MTUS2: variants seen among roughly 807,000 people sequenced by gnomAD.
The protein encoded by MTUS2 is microtubule associated scaffold protein 2, also known as microtubule-associated tumor suppressor candidate 2.
Under a neutral mutation model 114.1 loss-of-function variants are expected in MTUS2, and 40 were observed. That is an observed-to-expected ratio of 0.35 (90% CI 0.27 to 0.46). MTUS2 has a LOEUF of 0.46. MTUS2 is among the 20% of genes least tolerant of loss of function. The pLI is 1.00. For missense variants in MTUS2, 1,679 were observed against 1,705.4 expected, an observed-to-expected ratio of 0.98 and a Z score of 0.27; for synonymous variants, 688 against 672.0, an observed-to-expected ratio of 1.02 and a Z score of -0.37.
intron 5 of MTUS2, among the ~76,000 whole-genome samples, chr13:29,117,742 A>T (rs1267617771): frequency 2.6e-5 from 4 of 152,172 alleles, no homozygotes; most frequent in African/African-American, 9.7e-5. Flanking sequence ...GACACATCAG[A>T]CAGCTGCAGC....
At chr13:28,845,817 T>C (rs1875840109) in intron 2 of MTUS2, among the ~76,000 whole-genome samples, 2 of 151,980 alleles carry the variant, frequency 1.3e-5, no homozygotes, top group Non-Finnish European at 2.9e-5. Flanking sequence ...ACTTTACTTA[T>C]GTTACAGTTT....
chr13:29,208,360 G>T (rs541564841), intron 5 of MTUS2, among the ~76,000 whole-genome samples: 1 of 151,824 alleles, frequency 6.6e-6, no homozygotes, highest in East Asian at 1.9e-4. Flanking sequence ...TATCAATTTT[G>T]TTTATCTTTT....
At chr13:29,446,882 G>GC (rs151077392) in intron 9 of MTUS2, among the ~76,000 whole-genome samples, 17,109 of 152,090 alleles carry the variant, frequency 0.11, 1,511 homozygotes, top group African/African-American at 0.25. Context: ...TTAGGACGGA[G>GC]CTTTTATGGT....
chr13:29,138,354 G>A (rs1295389106), intron 5 of MTUS2, among the ~76,000 whole-genome samples: 23 of 151,564 alleles, frequency 1.5e-4, no homozygotes, highest in Non-Finnish European at 4.4e-5. Context: ...TGGGTGGGGA[G>A]GCAGATTTCC....
At chr13:28,921,004 C>A (rs1266880775) in intron 2 of MTUS2, among the ~76,000 whole-genome samples, 2 of 152,250 alleles carry the variant, frequency 1.3e-5, no homozygotes, top group Non-Finnish European at 2.9e-5. Flanking sequence ...GGGCCTAGGC[C>A]TGCACTCAGG....
At chr13:29,001,583 C>A (rs891121748) in intron 2 of MTUS2, among the ~76,000 whole-genome samples, 30 of 152,128 alleles carry the variant, frequency 2.0e-4, no homozygotes, top group Non-Finnish European at 4.1e-4. Context: ...GAAATATCAG[C>A]AGTTTAGCTT....
At chr13:28,898,465 C>A (rs759031297) in intron 2 of MTUS2, among the ~76,000 whole-genome samples, 1 of 152,194 alleles carries the variant, frequency 6.6e-6, no homozygotes, top group Non-Finnish European at 1.5e-5. Flanking sequence ...TTTGTCTTTC[C>A]ATCCTGAACA....
At chr13:29,445,763 C>A (rs995191476) in intron 9 of MTUS2, among the ~76,000 whole-genome samples, 3 of 151,954 alleles carry the variant, frequency 2.0e-5, no homozygotes, top group Admixed American at 6.6e-5. Context: ...AAAAAATTAG[C>A]CAGGTATGGT....
chr13:28,916,939 C>T (rs1269633491), intron 2 of MTUS2, among the ~76,000 whole-genome samples: 1 of 151,578 alleles, frequency 6.6e-6, no homozygotes, highest in Non-Finnish European at 1.5e-5. Flanking sequence ...GAGGTATGCT[C>T]TTTTTATCCT....
chr13:29,210,488 G>A (rs1231849563), intron 5 of MTUS2, among the ~76,000 whole-genome samples: 1 of 152,038 alleles, frequency 6.6e-6, no homozygotes, highest in Non-Finnish European at 1.5e-5. Context: ...TCTTTTGGGA[G>A]TGTTAAAAAA....
intron 2 of MTUS2, among the ~76,000 whole-genome samples, chr13:28,875,082 G>A (rs1408240114): frequency 1.3e-5 from 2 of 152,172 alleles, no homozygotes; most frequent in Non-Finnish European, 1.5e-5. Context: ...GTACATAATG[G>A]ATGTTCAGTA....
intron 8 of MTUS2, among the ~76,000 whole-genome samples, chr13:29,407,490 A>AT (rs1874860624): frequency 1.0e-5 from 1 of 96,564 alleles, no homozygotes; most frequent in Non-Finnish European, 2.5e-5. Context: ...TTATTTATTT[A>AT]TTTTGAGATG....
intron 5 of MTUS2, among the ~76,000 whole-genome samples, chr13:29,177,537 C>T (rs1410916051): frequency 6.9e-6 from 1 of 144,964 alleles, no homozygotes; most frequent in Non-Finnish European, 1.5e-5. Flanking sequence ...CCTTTTTCAC[C>T]AGGCCTGGAA....
intron 5 of MTUS2, among the ~76,000 whole-genome samples, chr13:29,238,324 T>C (rs1258910440): frequency 6.6e-6 from 1 of 152,216 alleles, no homozygotes; most frequent in Non-Finnish European, 1.5e-5. Flanking sequence ...GGGAGTTTAC[T>C]AAAGAGTATT....
chr13:28,822,706 A>G (rs571203250), intron 1 of MTUS2, among the ~76,000 whole-genome samples: 1 of 111,076 alleles, frequency 9.0e-6, no homozygotes, highest in Admixed American at 8.5e-5. Context: ...TTTTTTTTAA[A>G]TAAGGAGAGT....
chr13:28,894,089 T>C (rs903113636), intron 2 of MTUS2, among the ~76,000 whole-genome samples: 2 of 151,680 alleles, frequency 1.3e-5, no homozygotes, highest in Non-Finnish European at 2.9e-5. Context: ...TCTTCATCTC[T>C]TTTTCTGCTA....
At chr13:28,921,575 AAGCCC>A (rs1726579564) in intron 2 of MTUS2, among the ~76,000 whole-genome samples, 2 of 152,070 alleles carry the variant, frequency 1.3e-5, no homozygotes, top group African/African-American at 4.8e-5. Flanking sequence ...TACTGTCTCT[AAGCCC>A]AGCTCAGCAT....
rs928391609 is a variant in MTUS2 at position 29,291,071 on chromosome 13, G to C, written c.2806+9206G>C. On this transcript the variant is annotated intron_variant, in intron 6 of 15. Coordinates refer to ENST00000612955, the MANE Select transcript of MTUS2 (RefSeq NM_001033602.4). Reference sequence around the variant, plus strand: ...AGACGTGCCCTTTGCCTTTCTGTTAGTATGGCCTCCAGCAGGTACCCGAGA... The same window carrying C: ...AGACGTGCCCTTTGCCTTTCTGTTACTATGGCCTCCAGCAGGTACCCGAGA... Among the ~76,000 whole-genome samples the C allele has an allele frequency of 3.3e-5, 5 of 152,326 alleles. No homozygotes were observed. The South Asian group carries it at 6.2e-4, about 19-fold the overall frequency.
At chr13:28,910,373 C>T (rs1012951877) in intron 2 of MTUS2, among the ~76,000 whole-genome samples, 2 of 151,808 alleles carry the variant, frequency 1.3e-5, no homozygotes, top group African/African-American at 2.4e-5. Context: ...TTTTTTTGTT[C>T]TTATTTTTTT....
Sources: gnomAD v4.1 joint callset for allele counts (sites outside exome capture counted in the v4.1 genomes callset) on GRCh38, gnomAD v4.1.1 for gene constraint, MANE v1.5 for transcripts, NCBI Gene and HGNC (gene_info 2026-07-23, HGNC 2026-07-21) for gene names.